The following HS3ST2 variants were observed in gnomAD, a reference collection of about 807,000 sequenced individuals.
The protein encoded by HS3ST2 is heparan sulfate-glucosamine 3-sulfotransferase 2.
In HS3ST2, 17 loss-of-function variants were observed where a neutral mutation model predicts 26.3. The observed-to-expected ratio is 0.65, with a 90% confidence interval of 0.44 to 0.97. The LOEUF (loss-of-function observed/expected upper bound fraction) is 0.97. Among genes scored for constraint, HS3ST2 ranks in the 50% least tolerant of loss-of-function variants. The pLI, the probability that HS3ST2 is intolerant of heterozygous loss-of-function variation, is 0.00. For missense variants in HS3ST2, 402 were observed against 501.2 expected (o/e 0.80, Z 1.89); for synonymous variants, 237 against 219.2 (o/e 1.08, Z -0.72).
intron 1 of HS3ST2, among the ~76,000 whole-genome samples, chr16:22,843,156 ATG>A (rs398038424): frequency 0.01 from 1,515 of 149,952 alleles, 19 homozygotes; most frequent in African/African-American, 0.031. Context: ...AGATGTATGT[ATG>A]TGTGTGTGTG....
intron 1 of HS3ST2, among the ~76,000 whole-genome samples, chr16:22,890,434 G>A (rs1596627610): frequency 6.6e-6 from 1 of 152,186 alleles, no homozygotes; most frequent in African/African-American, 2.4e-5. Flanking sequence ...CAATGTGAAT[G>A]TTCTTTGTGA....
At chr16:22,851,787 C>G (rs529840363) in intron 1 of HS3ST2, among the ~76,000 whole-genome samples, 1 of 152,186 alleles carries the variant, frequency 6.6e-6, no homozygotes, top group Non-Finnish European at 1.5e-5. Flanking sequence ...ACTCCCATCT[C>G]CCCTCCACTG....
intron 1 of HS3ST2, among the ~76,000 whole-genome samples, chr16:22,846,632 A>G (rs1370402586): frequency 6.6e-6 from 1 of 152,186 alleles, no homozygotes; most frequent in Non-Finnish European, 1.5e-5. Flanking sequence ...AAAATGCCGC[A>G]TGTTGGAGTC....
intron 1 of HS3ST2, among the ~76,000 whole-genome samples, chr16:22,849,113 T>C (rs1901485577): frequency 6.6e-6 from 1 of 152,214 alleles, no homozygotes; most frequent in African/African-American, 2.4e-5. Flanking sequence ...GTGTGGCATG[T>C]ACACCCAGAG....
At chr16:22,902,691 C>A (rs1286922588) in intron 1 of HS3ST2, among the ~76,000 whole-genome samples, 1 of 152,218 alleles carries the variant, frequency 6.6e-6, no homozygotes, top group Non-Finnish European at 1.5e-5. Flanking sequence ...TCTTCACATT[C>A]TTGCCATCAT....
chr16:22,815,717 C>G (rs1900855324), intron 1 of HS3ST2, among the ~76,000 whole-genome samples: 1 of 152,134 alleles, frequency 6.6e-6, no homozygotes, highest in African/African-American at 2.4e-5. Flanking sequence ...GGAAAGAGCC[C>G]TGGATTCGAG....
At chr16:22,888,137 A>G (rs1334990030) in intron 1 of HS3ST2, among the ~76,000 whole-genome samples, 1 of 151,650 alleles carries the variant, frequency 6.6e-6, no homozygotes, top group East Asian at 1.9e-4. Context: ...TTTCTGACCT[A>G]CTCTCTGGTG....
chr16:22,888,681 G>A (rs762698895), intron 1 of HS3ST2, among the ~76,000 whole-genome samples: 1 of 151,942 alleles, frequency 6.6e-6, no homozygotes, highest in Admixed American at 6.5e-5. Flanking sequence ...CACCGCGCCT[G>A]GCTCCGTCTC....
intron 1 of HS3ST2, among the ~76,000 whole-genome samples, chr16:22,856,134 A>G (rs1419400511): frequency 2.0e-5 from 3 of 152,332 alleles, no homozygotes; most frequent in Middle Eastern, 3.4e-3. Flanking sequence ...CTTCCTAAGT[A>G]TGGTAGATTG....
intron 1 of HS3ST2, among the ~76,000 whole-genome samples, chr16:22,823,057 T>C (rs1901024109): frequency 6.6e-6 from 1 of 152,188 alleles, no homozygotes; most frequent in African/African-American, 2.4e-5. Flanking sequence ...ATCTAACACA[T>C]ACTGTGCAAG....
At chr16:22,889,433 C>G (rs1378592400) in intron 1 of HS3ST2, among the ~76,000 whole-genome samples, 1 of 152,180 alleles carries the variant, frequency 6.6e-6, no homozygotes, top group East Asian at 1.9e-4. Context: ...CATCCCCAAT[C>G]TGAAAATCCA....
intron 1 of HS3ST2, among the ~76,000 whole-genome samples, chr16:22,817,980 A>G (rs1408990937): frequency 6.6e-6 from 1 of 152,216 alleles, no homozygotes; most frequent in Non-Finnish European, 1.5e-5. Flanking sequence ...CAGGAGACAG[A>G]GTCTGCACCT....
chr16:22,879,177 A>G (rs987433082), intron 1 of HS3ST2, among the ~76,000 whole-genome samples: 1 of 152,204 alleles, frequency 6.6e-6, no homozygotes, highest in African/African-American at 2.4e-5. Flanking sequence ...CAATGTCGTC[A>G]CCAACCCAGC....
intron 1 of HS3ST2, among the ~76,000 whole-genome samples, chr16:22,845,069 T>C (rs1437745154): frequency 1.4e-5 from 2 of 148,080 alleles, no homozygotes; most frequent in Admixed American, 6.6e-5. Context: ...TTAGTTAGGA[T>C]GGTCTGGATC....
At chr16:22,868,527 G>C (rs1321205419) in intron 1 of HS3ST2, among the ~76,000 whole-genome samples, 1 of 151,444 alleles carries the variant, frequency 6.6e-6, no homozygotes, top group African/African-American at 2.4e-5. Context: ...CTTATTCGAC[G>C]TGTTATTTCC....
At chr16:22,866,726 T>C (rs1164126110) in intron 1 of HS3ST2, among the ~76,000 whole-genome samples, 1 of 151,954 alleles carries the variant, frequency 6.6e-6, no homozygotes, top group African/African-American at 2.4e-5. Flanking sequence ...ACTGTGGTGA[T>C]TGTGGAGGTC....
At chr16:22,901,583 G>A (rs1902282456) in intron 1 of HS3ST2, among the ~76,000 whole-genome samples, 1 of 152,172 alleles carries the variant, frequency 6.6e-6, no homozygotes, top group Non-Finnish European at 1.5e-5. Flanking sequence ...AGATATCCTG[G>A]GAGTTACCTC....
At position 22,862,963 on chromosome 16, in the gene HS3ST2, C is replaced by T. The variant is rs543231618; in HGVS notation, c.485+47868C>T. 3.9e-5 allele frequency among the ~76,000 whole-genome samples: 6 copies of T among 152,330 alleles called. No homozygotes were observed. The South Asian group carries it at 1.0e-3, about 26-fold the overall frequency. ...CACTTAATCACATCTGCAAAAACTG[C>T]TTTTCTTAATGAGGTCACATTTCCA... On this transcript the variant is annotated intron_variant, in intron 1 of 1. Transcript: ENST00000261374.
At chr16:22,843,252 A>T (rs957883368) in intron 1 of HS3ST2, among the ~76,000 whole-genome samples, 1 of 152,044 alleles carries the variant, frequency 6.6e-6, no homozygotes, top group South Asian at 2.1e-4. Context: ...CTTCTGCTGT[A>T]CTAGGACAAA....
Sources: allele counts gnomAD v4.1 joint callset (sites outside exome capture counted in the v4.1 genomes callset), GRCh38; gene constraint gnomAD v4.1.1; transcripts MANE v1.5; gene names NCBI Gene and HGNC (gene_info 2026-07-23, HGNC 2026-07-21).